Variants in FBXO31 observed in about 807,000 individuals in gnomAD.
The protein encoded by FBXO31 is F-box only protein 31.
FBXO31 carries 24 observed loss-of-function variants against 54.4 expected under a neutral mutation model. The ratio of observed to expected loss-of-function variants is 0.44; its 90% CI spans 0.32 to 0.62. FBXO31 has a LOEUF of 0.62. Among genes scored for constraint, FBXO31 ranks in the 20% least tolerant of loss-of-function variants. The pLI, the probability that FBXO31 is intolerant of heterozygous loss-of-function variation, is 0.05. For missense variants in FBXO31, 665 were observed against 787.1 expected, an observed-to-expected ratio of 0.84 and a Z score of 1.86; for synonymous variants, 388 against 335.6, an observed-to-expected ratio of 1.16 and a Z score of -1.71.
chr16:87,342,814 CT>C (rs1905233997), intron 5 of FBXO31, 62 bp downstream of exon 5: 1 of 1,451,636 alleles, frequency 6.9e-7, no homozygotes, highest in Non-Finnish European at 9.4e-7. Flanking sequence ...TGGGTCTGTA[CT>C]TTCCCCGTGG....
At position 87,358,038 on chromosome 16, in the gene FBXO31, A is replaced by C. The variant is rs1905973780; in HGVS notation, c.412+2257T>G. Among the ~76,000 whole-genome samples, 1 of 152,238 alleles carries C rather than the reference A, an allele frequency of 6.6e-6. No individual in the cohort carries two copies. The highest frequency in any genetic ancestry group is 6.5e-5 in the Admixed American group (1 of 15,292). ...TTAAAACTAATAAAGGTCAGAAGTCAAATATTCATATTTCACTTTAGAATA... is the reference window on the plus strand; with the variant it reads ...TTAAAACTAATAAAGGTCAGAAGTCCAATATTCATATTTCACTTTAGAATA... On this transcript the variant is annotated intron_variant, in intron 2 of 8. Transcript: ENST00000311635. The surrounding 1 kb of genome is among the most constrained non-coding windows in gnomAD (Gnocchi z 4.0).
rs1474291670 is a variant in FBXO31 at position 87,346,564 on chromosome 16, G to C, written c.489+610C>G. Among the ~76,000 whole-genome samples the C allele has an allele frequency of 6.6e-6, 1 of 152,216 alleles. No individual in the cohort carries two copies. Among genetic ancestry groups the C allele is most frequent in the Non-Finnish European group, 1.5e-5 (1 of 68,034 alleles). On this transcript the variant is annotated intron_variant, in intron 3 of 8. Transcript: ENST00000311635. The surrounding 1 kb of genome is among the most constrained non-coding windows in gnomAD (Gnocchi z 4.2). ...AAAGAAATGTCCTCACGGGTCCTCAGACCCCAACGGCAAGCAGGCTGCCGG... is the reference window on the plus strand; with the variant it reads ...AAAGAAATGTCCTCACGGGTCCTCACACCCCAACGGCAAGCAGGCTGCCGG...
chr16:87,382,330 T>C (rs1419224326), intron 1 of FBXO31, among the ~76,000 whole-genome samples: 3 of 152,218 alleles, frequency 2.0e-5, no homozygotes, highest in African/African-American at 7.2e-5. Flanking sequence ...GAGTGGTTTA[T>C]TTTTGACTGC....
chr16:87,391,374 T>C (rs1460851868), upstream of FBXO31, among the ~76,000 whole-genome samples: 1 of 152,192 alleles, frequency 6.6e-6, no homozygotes, highest in Non-Finnish European at 1.5e-5. Context: ...AGGTGGGCAA[T>C]AGCAACCAAA....
chr16:87,381,831 T>C (rs1907092112), intron 1 of FBXO31, among the ~76,000 whole-genome samples: 1 of 152,166 alleles, frequency 6.6e-6, no homozygotes, highest in African/African-American at 2.4e-5. Flanking sequence ...CAGAGCATCC[T>C]GGCCAACATA....
chr16:87,347,621 A>G (rs1204030028), intron 2 of FBXO31, among the ~76,000 whole-genome samples: 1 of 146,844 alleles, frequency 6.8e-6, no homozygotes, highest in East Asian at 2.1e-4. Flanking sequence ...TGGAGCTTGC[A>G]GTGAGCCGAG....
intron 8 of FBXO31, among the ~76,000 whole-genome samples, chr16:87,332,451 T>G (rs1904892170): frequency 6.6e-6 from 1 of 152,210 alleles, no homozygotes; most frequent in Admixed American, 6.5e-5. Flanking sequence ...GAGCCCACTG[T>G]GAGGTATTAG....
chr16:87,344,370 C>T (rs902202840), intron 3 of FBXO31, among the ~76,000 whole-genome samples: 5 of 152,234 alleles, frequency 3.3e-5, no homozygotes, highest in East Asian at 1.9e-4. Context: ...GTTGCCCGTG[C>T]GATCTCGCGT....
intron 1 of FBXO31, among the ~76,000 whole-genome samples, chr16:87,365,150 G>C (rs1906314228): frequency 6.7e-6 from 1 of 149,704 alleles, no homozygotes; most frequent in African/African-American, 2.5e-5. Flanking sequence ...CAAACTGGGA[G>C]TAGAAGGAGG....
In FBXO31 at chr16:87,335,305, G is replaced by A. The variant is rs764457989; in HGVS notation, c.995C>T (p.Thr332Met). 4 of 1,613,422 alleles carry A rather than the reference G, an allele frequency of 2.5e-6. No homozygotes were observed. Among genetic ancestry groups the A allele is most frequent in the Admixed American group, 1.7e-5 (1 of 60,034 alleles). Reference sequence around the variant, plus strand: ...CCAACCAGGTCAGCCGCCACTCACCGTGATCTTGGTGCCCCTGGCACGCCG... The same window carrying A: ...CCAACCAGGTCAGCCGCCACTCACCATGATCTTGGTGCCCCTGGCACGCCG... Reference protein sequence around the residue: ...HGRRARGTKITGDPNIPAGQQ... With the variant: ...HGRRARGTKIMGDPNIPAGQQ... Residue 332 changes from threonine (T) to methionine (M), a missense_variant and splice_region_variant, in exon 7 of 9, where the codon ACG becomes ATG. Coordinates refer to ENST00000311635, the MANE Select transcript of FBXO31 (RefSeq NM_024735.5). The surrounding 1 kb of genome is among the most constrained non-coding windows in gnomAD (Gnocchi z 5.7).
chr16:87,381,590 G>A (rs1476198801), intron 1 of FBXO31, among the ~76,000 whole-genome samples: 2 of 152,230 alleles, frequency 1.3e-5, no homozygotes, highest in African/African-American at 4.8e-5. Context: ...AATAATTTAT[G>A]ACGAACTCTG....
chr16:87,347,673 C>A lies in FBXO31; in HGVS notation c.413-423G>T, dbSNP rs1905451775. Among the ~76,000 whole-genome samples the A allele has an allele frequency of 3.3e-5, 4 of 121,680 alleles. No individual in the cohort carries two copies. In the Middle Eastern group the frequency reaches 0.015, roughly 447 times the overall value. The allele number at this position is 121,680 out of a possible 152,430, so 79.8% of individuals were successfully genotyped here. On this transcript the variant is annotated intron_variant, in intron 2 of 8. Coordinates refer to ENST00000311635, the MANE Select transcript of FBXO31 (RefSeq NM_024735.5). ...CCAGCCCGGGCGACAGAGGGAAACT[C>A]AGTCTCCAAAAAAAAAAAAAAAAAA...
intron 1 of FBXO31, among the ~76,000 whole-genome samples, chr16:87,379,635 C>T (rs1308907276): frequency 6.6e-6 from 1 of 152,178 alleles, no homozygotes; most frequent in Non-Finnish European, 1.5e-5. Context: ...ACACTGCATA[C>T]CTGTGTCTGA....
At chr16:87,373,945 C>G (rs576400824) in intron 1 of FBXO31, among the ~76,000 whole-genome samples, 1 of 152,210 alleles carries the variant, frequency 6.6e-6, no homozygotes, top group East Asian at 1.9e-4. Flanking sequence ...TTCCAATAAA[C>G]CCACTGTAAA....
chr16:87,361,007 T>C lies in FBXO31; in HGVS notation c.341-641A>G, dbSNP rs1018339433. ...TCCCACCCCACCACAGCTGCACTTT[T>C]CACAATCACCAACACCCAGCACGTC... On this transcript the variant is annotated intron_variant, in intron 1 of 8. Transcript: ENST00000311635. Among the ~76,000 whole-genome samples, 5 of 152,194 alleles carry C rather than the reference T, an allele frequency of 3.3e-5. 1 individual carries two copies. Among genetic ancestry groups the C allele is most frequent in the African/African-American group, 1.2e-4 (5 of 41,440 alleles).
chr16:87,367,093 C>T (rs1055297730), intron 1 of FBXO31: 1 of 151,982 alleles, frequency 6.6e-6, no homozygotes, highest in Admixed American at 6.6e-5. Flanking sequence ...ATTCTTGAGC[C>T]CAGGAGTTCA....
rs1362433959 is a variant in FBXO31, at chr16:87,383,559, G to A, written c.186C>T (p.Pro62=). 2 of 1,537,914 alleles carry A rather than the reference G, an allele frequency of 1.3e-6. No individual in the cohort carries two copies. The highest frequency in any genetic ancestry group is 2.0e-4 in the Middle Eastern group (1 of 4,978). Residue 62 remains proline, a synonymous_variant, in exon 1 of 9, where the codon CCC becomes CCT. Coordinates refer to ENST00000311635, the MANE Select transcript of FBXO31 (RefSeq NM_024735.5). This position sits in a 1 kb window ranked among gnomAD's most constrained non-coding sequence, Gnocchi z 4.9. ...GGLCAGPSPP[P]PRCSLLELPP... is the part of the protein sequence containing the mutation. ...GCAGCTCCAGCAGCGAGCAGCGCGG[G>A]GGCGGCGGCGAGGGGCCCGCGCACA...
rs569774774 is a variant in FBXO31 at position 87,365,396 on chromosome 16, G to A, written c.341-5030C>T. ...CACACAATTGTAAACAATTAATATT[G>A]CCCTAATTGTAACAGGAAGGAATAC... is the stretch of plus-strand genomic sequence containing the variant. On this transcript the variant is annotated intron_variant, in intron 1 of 8. Coordinates refer to ENST00000311635, the MANE Select transcript of FBXO31 (RefSeq NM_024735.5). 1.8e-4 allele frequency among the ~76,000 whole-genome samples: 27 copies of A among 152,228 alleles called. 1 individual carries two copies. In the South Asian group the frequency reaches 5.6e-3, roughly 32 times the overall value.
At chr16:87,370,210 C>T (rs975414916) in intron 1 of FBXO31, among the ~76,000 whole-genome samples, 1 of 152,222 alleles carries the variant, frequency 6.6e-6, no homozygotes, top group Non-Finnish European at 1.5e-5. Context: ...GTGAGCACCC[C>T]CTACCCCTGG....
Sources: allele counts gnomAD v4.1 joint callset (sites outside exome capture counted in the v4.1 genomes callset), GRCh38; gene constraint gnomAD v4.1.1; non-coding constraint Gnocchi (gnomAD v3.1); transcripts MANE v1.5; gene names NCBI Gene and HGNC (gene_info 2026-07-23, HGNC 2026-07-21).